The following BFSP2 variants were observed in gnomAD, a reference collection of about 807,000 sequenced individuals.
BFSP2 encodes the protein phakinin.
BFSP2 carries 38 observed loss-of-function variants against 44.9 expected under a neutral mutation model. The ratio of observed to expected loss-of-function variants is 0.85; its 90% CI spans 0.65 to 1.11. The LOEUF (loss-of-function observed/expected upper bound fraction) is 1.11. Ranked by LOEUF, BFSP2 falls within the 50% of genes least tolerant of loss-of-function variation. BFSP2 has a pLI of 0.00. For synonymous variants in BFSP2, 197 were observed against 209.9 expected, an observed-to-expected ratio of 0.94 and a Z score of 0.53; for missense variants, 525 against 533.0, an observed-to-expected ratio of 0.99 and a Z score of 0.15.
chr3:133,463,703 G>T (rs1576596524), intron 4 of BFSP2, among the ~76,000 whole-genome samples: 1 of 152,186 alleles, frequency 6.6e-6, no homozygotes, highest in Non-Finnish European at 1.5e-5. Flanking sequence ...GGAAGTTGCT[G>T]ATCACCAGTT....
chr3:133,436,325 C>CAAAA (rs57060416), intron 1 of BFSP2, among the ~76,000 whole-genome samples: 1,553 of 77,916 alleles, frequency 0.02, 73 homozygotes, highest in African/African-American at 0.056. Context: ...GACTCTGTCT[C>CAAAA]AAAAAAAAAA....
intron 1 of BFSP2, chr3:133,429,447 C>T (rs2073686794): frequency 6.6e-6 from 1 of 152,200 alleles, no homozygotes; most frequent in Non-Finnish European, 1.5e-5. Flanking sequence ...CTCAGGGGAC[C>T]TCAGTCTTTG....
At chr3:133,446,655 G>T (rs2107922309) in intron 1 of BFSP2, among the ~76,000 whole-genome samples, 4 of 112,534 alleles carry the variant, frequency 3.6e-5, no homozygotes, top group Admixed American at 1.0e-4. Context: ...AGTTTCTTGG[G>T]TTGAAGGGAG....
intron 1 of BFSP2, among the ~76,000 whole-genome samples, chr3:133,420,112 A>T: frequency 6.6e-6 from 1 of 152,268 alleles, no homozygotes; most frequent in Non-Finnish European, 1.5e-5. Context: ...AAGACCCCTG[A>T]GCACATACTC....
At chr3:133,412,925 G>A (rs2073470546) in intron 1 of BFSP2, among the ~76,000 whole-genome samples, 1 of 152,252 alleles carries the variant, frequency 6.6e-6, no homozygotes, top group Admixed American at 6.5e-5. Flanking sequence ...GCTGTGAGAA[G>A]AGAACCAGGA....
At chr3:133,461,154 G>A (rs1342696080) in intron 4 of BFSP2, among the ~76,000 whole-genome samples, 1 of 152,158 alleles carries the variant, frequency 6.6e-6, no homozygotes, top group African/African-American at 2.4e-5. Flanking sequence ...TCAGCAAAGT[G>A]GGTCAGGCTT....
chr3:133,467,367 GAGCT>G, intron 5 of BFSP2, among the ~76,000 whole-genome samples: 1 of 152,328 alleles, frequency 6.6e-6, no homozygotes, highest in South Asian at 2.1e-4. Flanking sequence ...CTTCAACATG[GAGCT>G]AGCTCCATGC....
At chr3:133,419,386 G>A (rs1192327482) in intron 1 of BFSP2, among the ~76,000 whole-genome samples, 1 of 152,150 alleles carries the variant, frequency 6.6e-6, no homozygotes, top group Non-Finnish European at 1.5e-5. Flanking sequence ...TCAATTCAGT[G>A]TTGTTTCTAC....
chr3:133,465,324 G>C (rs1398117255), intron 4 of BFSP2, among the ~76,000 whole-genome samples: 3 of 152,074 alleles, frequency 2.0e-5, no homozygotes, highest in Non-Finnish European at 4.4e-5. Flanking sequence ...GGGGTTTCTA[G>C]CCAGTCCATT....
intron 6 of BFSP2, 139 bp downstream of exon 6, chr3:133,472,704 C>CATTCCCA: frequency 1.1e-6 from 1 of 941,694 alleles, no homozygotes; most frequent in Non-Finnish European, 1.7e-6. Flanking sequence ...TTCCCACAGC[C>CATTCCCA]TAGCTGTGTC....
At chr3:133,471,256 C>T (rs2074159108) in intron 5 of BFSP2, among the ~76,000 whole-genome samples, 2 of 152,144 alleles carry the variant, frequency 1.3e-5, no homozygotes, top group African/African-American at 4.8e-5. Context: ...TAAGAGGCCA[C>T]TGAGGGTACC....
intron 1 of BFSP2, chr3:133,410,567 T>C (rs2073442494): frequency 7.2e-6 from 2 of 277,990 alleles, no homozygotes; most frequent in African/African-American, 4.6e-5. Flanking sequence ...ACGGGGATTC[T>C]CCCTCTCACG....
At chr3:133,447,095 C>T (rs144149064) in intron 1 of BFSP2, among the ~76,000 whole-genome samples, 7 of 152,328 alleles carry the variant, frequency 4.6e-5, no homozygotes, top group African/African-American at 1.7e-4. Context: ...AAATCCCACT[C>T]TAAAAACTCT....
intron 4 of BFSP2, among the ~76,000 whole-genome samples, chr3:133,452,721 G>T (rs971455488): frequency 6.6e-6 from 1 of 152,108 alleles, no homozygotes; most frequent in Non-Finnish European, 1.5e-5. Flanking sequence ...CCTTTTCTCT[G>T]CATTGGGCTG....
rs778659632 is a variant in BFSP2, at chr3:133,400,249, G to T, written c.166G>T (p.Val56Phe). Residue 56 changes from valine to phenylalanine, a missense_variant, in exon 1 of 7, where the codon GTC (valine) becomes TTC (phenylalanine). Transcript: ENST00000302334. This position sits in a 1 kb window ranked among gnomAD's most constrained non-coding sequence, Gnocchi z 4.0. ...GAGTGGCCTTGTCCGAGCACCCGGG[G>T]TCTATGTAGGAACAGCACCCAGTGG... is the stretch of plus-strand genomic sequence containing the variant. ...AMSGLVRAPGVYVGTAPSGCI... is the reference protein window; with the variant it reads ...AMSGLVRAPGFYVGTAPSGCI... 1.6e-5 allele frequency: 26 copies of T among 1,613,854 alleles called. No homozygotes were observed. The highest frequency in any genetic ancestry group is 2.0e-5 in the Non-Finnish European group (24 of 1,179,944).
chr3:133,462,117 A>T (rs2074069819), intron 4 of BFSP2, among the ~76,000 whole-genome samples: 2 of 152,250 alleles, frequency 1.3e-5, no homozygotes, highest in East Asian at 3.8e-4. Context: ...GATCCCCTGC[A>T]TCAGAGCCCA....
chr3:133,419,316 C>A (rs375215544), intron 1 of BFSP2, among the ~76,000 whole-genome samples: 1 of 152,156 alleles, frequency 6.6e-6, no homozygotes, highest in South Asian at 2.1e-4. Context: ...CACGATTCAG[C>A]CCGTAATACC....
At chr3:133,447,267 C>T (rs1286390405) in intron 1 of BFSP2, 50 bp from the exon 2 acceptor site, 5 of 1,599,704 alleles carry the variant, frequency 3.1e-6, no homozygotes, top group Non-Finnish European at 4.3e-6. Flanking sequence ...GGTAAGTGAT[C>T]TTGACGCTCC....
chr3:133,472,243 T>C (rs2074168983), intron 5 of BFSP2, 102 bp from the exon 6 acceptor site: 1 of 1,288,530 alleles, frequency 7.8e-7, no homozygotes, highest in East Asian at 2.5e-5. Context: ...ACGAGGGGAA[T>C]AGTCCAGGCT....
Sources: allele counts gnomAD v4.1 joint callset (sites outside exome capture counted in the v4.1 genomes callset), GRCh38; gene constraint gnomAD v4.1.1; non-coding constraint Gnocchi (gnomAD v3.1); transcripts MANE v1.5; gene names NCBI Gene and HGNC (gene_info 2026-07-23, HGNC 2026-07-21).